Variants in KCNAB1 observed in about 807,000 individuals in gnomAD.
KCNAB1 encodes voltage-gated potassium channel subunit beta-1.
In KCNAB1, 35 loss-of-function variants were observed where a neutral mutation model predicts 64.6. The observed-to-expected ratio is 0.54, with a 90% CI of 0.41 to 0.72. KCNAB1 has a LOEUF of 0.72. Among genes scored for constraint, KCNAB1 ranks in the 30% least tolerant of loss-of-function variants. The pLI is 0.00. For missense variants in KCNAB1, 401 were observed against 512.9 expected (o/e 0.78, Z 2.11); for synonymous variants, 177 against 183.8 (o/e 0.96, Z 0.30).
intron 8 of KCNAB1, among the ~76,000 whole-genome samples, chr3:156,477,846 TGGG>T (rs567359749): frequency 3.9e-5 from 6 of 152,076 alleles, no homozygotes; most frequent in Admixed American, 3.9e-4. Flanking sequence ...ACCCTAAAAA[TGGG>T]GGGAAAACAA....
intron 1 of KCNAB1, among the ~76,000 whole-genome samples, chr3:156,334,988 A>C (rs1723589786): frequency 6.6e-6 from 1 of 152,102 alleles, no homozygotes; most frequent in Non-Finnish European, 1.5e-5. Flanking sequence ...TTCTTTCCCA[A>C]ATGCATGCTA....
intron 1 of KCNAB1, among the ~76,000 whole-genome samples, chr3:156,180,884 G>A (rs2108345289): frequency 6.6e-6 from 1 of 152,254 alleles, no homozygotes; most frequent in African/African-American, 2.4e-5. Flanking sequence ...GGTTGCCACA[G>A]CAAAGTACCA....
chr3:156,301,874 G>C (rs759166061), intron 1 of KCNAB1, among the ~76,000 whole-genome samples: 4 of 152,152 alleles, frequency 2.6e-5, no homozygotes, highest in Admixed American at 6.5e-5. Flanking sequence ...TTTTAAAAGG[G>C]GGTACAGCAA....
chr3:156,439,688 A>G (rs1716861312), intron 2 of KCNAB1, among the ~76,000 whole-genome samples: 1 of 152,182 alleles, frequency 6.6e-6, no homozygotes, highest in South Asian at 2.1e-4. Flanking sequence ...TGAAAAATGG[A>G]GCATCACCAG....
chr3:156,167,073 G>T (rs1443323498), intron 1 of KCNAB1, among the ~76,000 whole-genome samples: 1 of 152,144 alleles, frequency 6.6e-6, no homozygotes, highest in Non-Finnish European at 1.5e-5. Flanking sequence ...GAGTCCATGG[G>T]ACCCCAGGGA....
Position 156,516,419 on chromosome 3 carries a change from T to A in KCNAB1, c.960+55T>A, listed in dbSNP as rs550015699. The A allele has an allele frequency of 4.1e-5, 53 of 1,307,466 alleles. 1 individual carries two copies. The African/African-American group carries it at 6.2e-4, about 15-fold the overall frequency. 81.0% of individuals were successfully genotyped at this position (1,307,466 alleles called of 1,614,324 possible). A position where few individuals can be genotyped will look rare whatever the true frequency, so the allele number is the denominator to read the frequency against. ...TGGGAGTAGGAAGGAGGGAAGAAGG[T>A]TGGTAAGAACAGCTCTGCAGCAGCC... is the stretch of plus-strand genomic sequence containing the variant. On this transcript the variant is annotated intron_variant, in intron 11 of 13. Transcript: ENST00000490337.
At chr3:156,455,212 G>A (rs1292355402) in intron 3 of KCNAB1, among the ~76,000 whole-genome samples, 1 of 152,200 alleles carries the variant, frequency 6.6e-6, no homozygotes, top group African/African-American at 2.4e-5. Flanking sequence ...CGATTTTCCT[G>A]CTTTCTCTCT....
chr3:156,270,507 C>A (rs1472860906), intron 1 of KCNAB1, among the ~76,000 whole-genome samples: 3 of 151,942 alleles, frequency 2.0e-5, no homozygotes, highest in African/African-American at 7.3e-5. Flanking sequence ...TATCTTATAA[C>A]TCATTATTTT....
At chr3:156,356,983 G>A (rs535895598) in intron 1 of KCNAB1, among the ~76,000 whole-genome samples, 21 of 152,328 alleles carry the variant, frequency 1.4e-4, no homozygotes, top group African/African-American at 5.1e-4. Context: ...TCAACTGGCA[G>A]ATGCCTCTGG....
intron 1 of KCNAB1, among the ~76,000 whole-genome samples, chr3:156,137,382 T>C (rs1714416289): frequency 6.6e-6 from 1 of 152,124 alleles, no homozygotes; most frequent in South Asian, 2.1e-4. Context: ...TCATGTGTTG[T>C]ACTCCCATGC....
intron 1 of KCNAB1, among the ~76,000 whole-genome samples, chr3:156,198,999 G>A (rs1021795361): frequency 1.6e-5 from 2 of 122,986 alleles, no homozygotes; most frequent in Non-Finnish European, 3.2e-5. Flanking sequence ...AGGAGCTCTT[G>A]TAAGGCAGGC....
At chr3:156,196,801 C>T (rs1488894069) in intron 1 of KCNAB1, among the ~76,000 whole-genome samples, 2 of 152,138 alleles carry the variant, frequency 1.3e-5, no homozygotes, top group Admixed American at 6.6e-5. Context: ...ATTTCTTTCC[C>T]TTGCCTGATT....
At position 156,226,835 on chromosome 3, in the gene KCNAB1, C is replaced by T. The variant is rs77114814; in HGVS notation, c.275+105949C>T. The stretch of plus-strand genomic sequence containing the variant: ...GCACTCCTCCTCTCTCTTATGTAAG[C>T]GATAAGCACCATTAATAGTCCTGTC... On this transcript the variant is annotated intron_variant, in intron 1 of 13. Coordinates refer to ENST00000490337, the MANE Select transcript of KCNAB1 (RefSeq NM_172160.3). Among the ~76,000 whole-genome samples the T allele has an allele frequency of 2.9e-3, 449 of 152,248 alleles. 5 individuals carry two copies. Among genetic ancestry groups the T allele is most frequent in the Admixed American group, 0.016 (245 of 15,290 alleles).
At chr3:156,227,419 C>G (rs186689851) in intron 1 of KCNAB1, among the ~76,000 whole-genome samples, 4 of 151,984 alleles carry the variant, frequency 2.6e-5, no homozygotes, top group Admixed American at 2.6e-4. Context: ...TAAAGTGGGA[C>G]GATTCCAAGC....
Position 156,171,194 on chromosome 3 carries a change from T to TACACACACAC in KCNAB1, c.275+50331_275+50340dup, listed in dbSNP as rs779486541. 8.9e-3 allele frequency among the ~76,000 whole-genome samples: 1,310 copies of TACACACACAC among 147,692 alleles called. 29 individuals carry two copies. The highest frequency in any genetic ancestry group is 0.031 in the African/African-American group (1,235 of 39,628). ...TATAGTTAGAAACTTCACGCACACA[T>TACACACACAC]ACACACACACACACACACACACACA... is the stretch of plus-strand genomic sequence containing the variant. On this transcript the variant is annotated intron_variant, in intron 1 of 13. Transcript: ENST00000490337.
chr3:156,238,190 G>A (rs565548648), intron 1 of KCNAB1, among the ~76,000 whole-genome samples: 11 of 152,228 alleles, frequency 7.2e-5, no homozygotes, highest in African/African-American at 1.2e-4. Context: ...TTGGGAGGCC[G>A]AGGCGGCGGA....
At chr3:156,225,577 C>A (rs1228717233) in intron 1 of KCNAB1, among the ~76,000 whole-genome samples, 2 of 152,120 alleles carry the variant, frequency 1.3e-5, no homozygotes, top group African/African-American at 4.8e-5. Flanking sequence ...CCAGAGCAAT[C>A]AGACAAGAGA....
intron 1 of KCNAB1, among the ~76,000 whole-genome samples, chr3:156,332,128 G>C (rs1284391134): frequency 2.0e-5 from 3 of 152,248 alleles, no homozygotes; most frequent in East Asian, 1.9e-4. Context: ...ACTATGAATA[G>C]TATGTGGGGT....
At chr3:156,176,006 C>T (rs532540931) in intron 1 of KCNAB1, 9 of 870,440 alleles carry the variant, frequency 1.0e-5, no homozygotes, top group East Asian at 7.5e-5. Flanking sequence ...ACAAACCTGT[C>T]GGCTGTGCCA....
Sources: gnomAD v4.1 joint callset for allele counts (sites outside exome capture counted in the v4.1 genomes callset) on GRCh38, gnomAD v4.1.1 for gene constraint, MANE v1.5 for transcripts, NCBI Gene and HGNC (gene_info 2026-07-23, HGNC 2026-07-21) for gene names.